The following CTNNA2 variants were observed in gnomAD, a reference collection of about 807,000 sequenced individuals.
The protein encoded by CTNNA2 is catenin alpha-2.
In CTNNA2, 42 loss-of-function variants were observed where a neutral mutation model predicts 101.0. The observed-to-expected ratio is 0.42, with a 90% CI of 0.32 to 0.54. CTNNA2 has a LOEUF of 0.54. Ranked by LOEUF, CTNNA2 falls within the 20% of genes least tolerant of loss-of-function variation. The pLI, the probability that CTNNA2 is intolerant of heterozygous loss-of-function variation, is 0.14. For missense variants in CTNNA2, 871 were observed against 1,223.1 expected (o/e 0.71, Z 4.29); for synonymous variants, 450 against 456.4 (o/e 0.99, Z 0.18).
At chr2:80,225,071 A>G (rs536691383) in intron 7 of CTNNA2, among the ~76,000 whole-genome samples, 2 of 152,096 alleles carry the variant, frequency 1.3e-5, no homozygotes, top group Non-Finnish European at 2.9e-5. Flanking sequence ...TAAGGGGGCC[A>G]CACAATAAAA....
chr2:79,210,723 C>G (rs868507090), intron 2 of CTNNA2, among the ~76,000 whole-genome samples: 8 of 152,140 alleles, frequency 5.3e-5, no homozygotes, highest in Admixed American at 1.3e-4. Context: ...AGTTACTCCT[C>G]CAGATACCTC....
intron 7 of CTNNA2, among the ~76,000 whole-genome samples, chr2:80,301,357 G>T (rs939519167): frequency 1.3e-5 from 2 of 152,174 alleles, no homozygotes; most frequent in South Asian, 2.1e-4. Context: ...TTAACAGGGG[G>T]TACAAGAAGG....
chr2:79,895,691 AATTTT>A (rs1290194911), intron 6 of CTNNA2, among the ~76,000 whole-genome samples: 7 of 107,800 alleles, frequency 6.5e-5, no homozygotes, highest in African/African-American at 1.3e-4. Flanking sequence ...GAAATTTCTT[AATTTT>A]TTTTTTTTTT....
At chr2:80,572,616 C>T (rs1694696853) in intron 12 of CTNNA2, 5 of 152,144 alleles carry the variant, frequency 3.3e-5, no homozygotes, top group Admixed American at 2.6e-4. Flanking sequence ...ATTTCATGCT[C>T]ACTATTGAGT....
At chr2:80,508,299 C>A (rs12470547) in intron 9 of CTNNA2, among the ~76,000 whole-genome samples, 58,419 of 151,650 alleles carry the variant, frequency 0.39, 11,645 homozygotes, top group African/African-American at 0.42. Context: ...TATGGTGAAA[C>A]CCTCTCTCTA....
intron 7 of CTNNA2, among the ~76,000 whole-genome samples, chr2:80,339,512 A>G (rs56928399): frequency 0.094 from 14,323 of 152,206 alleles, 1,497 homozygotes; most frequent in African/African-American, 0.26. Context: ...ATACCCTGAC[A>G]AATCTTATCC....
intron 3 of CTNNA2, among the ~76,000 whole-genome samples, chr2:79,792,922 T>A (rs1411384086): frequency 6.6e-6 from 1 of 152,236 alleles, no homozygotes; most frequent in Non-Finnish European, 1.5e-5. Flanking sequence ...TATAAGTCAT[T>A]TATTACATAA....
chr2:80,567,262 A>G (rs1418551361), intron 12 of CTNNA2, among the ~76,000 whole-genome samples: 2 of 152,156 alleles, frequency 1.3e-5, no homozygotes, highest in Non-Finnish European at 1.5e-5. Flanking sequence ...TCACTAATAT[A>G]AAATGGTGGC....
chr2:79,393,679 A>G (rs1014807429), intron 4 of CTNNA2, among the ~76,000 whole-genome samples: 1 of 151,814 alleles, frequency 6.6e-6, no homozygotes, highest in Non-Finnish European at 1.5e-5. Flanking sequence ...ATTTCCTACA[A>G]TGGGCTGGAG....
Position 80,541,092 on chromosome 2 carries a change from C to T in CTNNA2, c.1291-3890C>T, listed in dbSNP as rs183631990. The stretch of plus-strand genomic sequence containing the variant: ...ATATATAAAACCAAGTTGATAGTCA[C>T]CACTGGGCCATTGGGTCCAGTGAGA... On this transcript the variant is annotated intron_variant, in intron 9 of 18. Transcript: ENST00000402739. Among the ~76,000 whole-genome samples, 271 of 152,298 alleles carry T rather than the reference C, an allele frequency of 1.8e-3. 1 individual carries two copies. Among genetic ancestry groups the T allele is most frequent in the Middle Eastern group, 0.014 (4 of 294 alleles).
chr2:79,412,825 T>C (rs1242254741), intron 4 of CTNNA2, among the ~76,000 whole-genome samples: 2 of 152,022 alleles, frequency 1.3e-5, no homozygotes, highest in Non-Finnish European at 2.9e-5. Flanking sequence ...AAGGCACGGA[T>C]ATGAGCCACC....
chr2:79,519,585 G>GT (rs966598453), intron 1 of CTNNA2, among the ~76,000 whole-genome samples: 87 of 151,846 alleles, frequency 5.7e-4, no homozygotes, highest in African/African-American at 2.1e-3. Flanking sequence ...TTCTACATGT[G>GT]TTTTTTTCTT....
chr2:79,465,639 G>A (rs1223453607), intron 4 of CTNNA2, among the ~76,000 whole-genome samples: 1 of 152,098 alleles, frequency 6.6e-6, no homozygotes, highest in Non-Finnish European at 1.5e-5. Context: ...CTATTTGTTT[G>A]TGTCCTCTTT....
At chr2:79,695,873 G>T (rs964852741) in intron 2 of CTNNA2, among the ~76,000 whole-genome samples, 2 of 151,982 alleles carry the variant, frequency 1.3e-5, no homozygotes, top group Non-Finnish European at 2.9e-5. Flanking sequence ...CTGCTCAGTT[G>T]GTTTGGGGGC....
intron 9 of CTNNA2, among the ~76,000 whole-genome samples, chr2:80,516,947 G>A (rs1235243269): frequency 6.6e-6 from 1 of 152,114 alleles, no homozygotes; most frequent in African/African-American, 2.4e-5. Context: ...TCTCATGAGG[G>A]GTAAGTTAAG....
At chr2:79,773,291 T>C (rs187868889) in intron 3 of CTNNA2, among the ~76,000 whole-genome samples, 39 of 152,308 alleles carry the variant, frequency 2.6e-4, no homozygotes, top group Non-Finnish European at 4.9e-4. Flanking sequence ...GGAAGTTTAT[T>C]TGCCAAAGTT....
intron 4 of CTNNA2, among the ~76,000 whole-genome samples, chr2:79,449,588 G>A (rs1469194522): frequency 2.6e-5 from 4 of 152,050 alleles, no homozygotes; most frequent in African/African-American, 9.7e-5. Context: ...TTACTGGATA[G>A]AGGAAAAAAT....
At chr2:79,895,425 T>G (rs1684638003) in intron 6 of CTNNA2, among the ~76,000 whole-genome samples, 1 of 152,186 alleles carries the variant, frequency 6.6e-6, no homozygotes, top group Non-Finnish European at 1.5e-5. Context: ...GACATGAAAT[T>G]TGAGTGTATA....
Position 80,337,428 on chromosome 2 carries a change from C to T in CTNNA2, c.1057-55783C>T, listed in dbSNP as rs574728763. ...AAAGTCACAAGCTCTTTTGCTTCTG[C>T]TGTAGGAATGCTCTATTTGACTACA... On this transcript the variant is annotated intron_variant, in intron 7 of 18. Transcript: ENST00000402739. Among the ~76,000 whole-genome samples the T allele has an allele frequency of 3.9e-5, 6 of 152,088 alleles. No individual in the cohort carries two copies. The South Asian group carries it at 1.2e-3, about 32-fold the overall frequency.
Sources: allele counts gnomAD v4.1 joint callset (sites outside exome capture counted in the v4.1 genomes callset), GRCh38; gene constraint gnomAD v4.1.1; transcripts MANE v1.5; gene names NCBI Gene and HGNC (gene_info 2026-07-23, HGNC 2026-07-21).